Variants in FGD5 observed in about 807,000 individuals in gnomAD.
The protein encoded by FGD5 is FYVE, RhoGEF and PH domain containing 5, also known as FYVE, RhoGEF and PH domain-containing protein 5.
FGD5 carries 28 observed loss-of-function variants against 133.4 expected under a neutral mutation model. The observed-to-expected ratio is 0.21, with a 90% CI of 0.16 to 0.29. FGD5 has a LOEUF of 0.29. Among genes scored for constraint, FGD5 ranks in the 10% least tolerant of loss-of-function variants. FGD5 has a pLI of 1.00. For missense variants in FGD5, 1,858 were observed against 1,895.2 expected (o/e 0.98, Z 0.36); for synonymous variants, 810 against 776.5 (o/e 1.04, Z -0.72).
intron 16 of FGD5, chr3:14,923,434 G>A: frequency 2.0e-6 from 1 of 501,978 alleles, no homozygotes; most frequent in Non-Finnish European, 3.6e-6. Flanking sequence ...GGGGACAGAG[G>A]CAGGGAGCTC....
chr3:14,923,801 CAGCGCCCTGGAAA>C (rs2038733834), intron 16 of FGD5, among the ~76,000 whole-genome samples, 194 bp from the exon 17 acceptor site: 1 of 152,204 alleles, frequency 6.6e-6, no homozygotes, highest in Non-Finnish European at 1.5e-5. Context: ...AAGGGCTGTC[CAGCGCCCTGGAAA>C]AGCGTCCCCT....
At chr3:14,828,591 G>A (rs1021153924) in intron 1 of FGD5, among the ~76,000 whole-genome samples, 4 of 152,132 alleles carry the variant, frequency 2.6e-5, no homozygotes, top group South Asian at 2.1e-4. Flanking sequence ...CACTCAGTCC[G>A]CTAGCGTTCC....
At position 14,934,372 on chromosome 3, in the gene FGD5, A is replaced by G. The variant is rs899185427; in HGVS notation, c.*1205A>G. ...ATTCCTTGTTACTCTTACTGCAATA[A>G]AAATCAATTGTTTGATATCCTGTCC... On this transcript the variant is annotated 3_prime_UTR_variant, in exon 20 of 20. Transcript: ENST00000285046. The G allele has an allele frequency of 1.3e-5, 2 of 152,164 alleles. No individual in the cohort carries two copies. The highest frequency in any genetic ancestry group is 1.5e-5 in the Non-Finnish European group (1 of 68,026). The allele number at this position is 152,164 out of a possible 1,614,324, so 9.4% of individuals were successfully genotyped here. A position where few individuals can be genotyped will look rare whatever the true frequency, so the allele number is the denominator to read the frequency against.
intron 1 of FGD5, among the ~76,000 whole-genome samples, chr3:14,829,214 A>T (rs1054377705): frequency 1.3e-5 from 2 of 152,120 alleles, no homozygotes; most frequent in Non-Finnish European, 2.9e-5. Context: ...GCTTAGGTGC[A>T]TGGAGTTGGG....
At chr3:14,891,949 C>G (rs982930978) in intron 4 of FGD5, among the ~76,000 whole-genome samples, 3 of 151,454 alleles carry the variant, frequency 2.0e-5, no homozygotes, top group African/African-American at 7.3e-5. Context: ...CTCTTTCTCC[C>G]TCTCTCTCAT....
At chr3:14,839,030 T>C (rs1252905722) in intron 1 of FGD5, among the ~76,000 whole-genome samples, 1 of 152,206 alleles carries the variant, frequency 6.6e-6, no homozygotes, top group Non-Finnish European at 1.5e-5. Flanking sequence ...GGAAGTTTAA[T>C]TGAAATGCAG....
chr3:14,827,752 T>C (rs1395508579), intron 1 of FGD5, among the ~76,000 whole-genome samples: 2 of 152,154 alleles, frequency 1.3e-5, no homozygotes, highest in Non-Finnish European at 2.9e-5. Context: ...TGGGTACCCC[T>C]GCCCTTGTGT....
At chr3:14,903,363 A>T (rs555406517) in intron 9 of FGD5, among the ~76,000 whole-genome samples, 1 of 152,072 alleles carries the variant, frequency 6.6e-6, no homozygotes, top group African/African-American at 2.4e-5. Context: ...CTTTATTATT[A>T]TTATTATTAT....
chr3:14,878,901 G>T (rs138426133), intron 2 of FGD5, among the ~76,000 whole-genome samples: 26 of 152,190 alleles, frequency 1.7e-4, no homozygotes, highest in African/African-American at 5.3e-4. Context: ...TAGAGACAGG[G>T]TTTCGCTGTG....
At chr3:14,872,299 A>G (rs780314392) in intron 2 of FGD5, among the ~76,000 whole-genome samples, 3 of 152,210 alleles carry the variant, frequency 2.0e-5, no homozygotes, top group Admixed American at 1.3e-4. Context: ...AAAAAAATAA[A>G]CCAAGGTTTC....
At position 14,917,687 on chromosome 3, in the gene FGD5, T is replaced by C. The variant is rs1212442767; in HGVS notation, c.3489+355T>C. Among the ~76,000 whole-genome samples, 1 of 152,194 alleles carries C rather than the reference T, an allele frequency of 6.6e-6. No homozygotes were observed. The highest frequency in any genetic ancestry group is 2.4e-5 in the African/African-American group (1 of 41,430). Reference sequence around the variant, plus strand: ...TAATTGTGATAAAATACACATATCATTTTAAAAGTAACCATTTTTAAATGT... The same window carrying C: ...TAATTGTGATAAAATACACATATCACTTTAAAAGTAACCATTTTTAAATGT... On this transcript the variant is annotated intron_variant, in intron 12 of 19. Coordinates refer to ENST00000285046, the MANE Select transcript of FGD5 (RefSeq NM_152536.4). The surrounding 1 kb of genome is among the most constrained non-coding windows in gnomAD (Gnocchi z 4.1).
intron 1 of FGD5, among the ~76,000 whole-genome samples, chr3:14,826,170 T>C (rs1009923317): frequency 6.6e-6 from 1 of 152,200 alleles, no homozygotes; most frequent in Non-Finnish European, 1.5e-5. Context: ...GTTAAGAGTT[T>C]TAGTGTGAAC....
Position 14,917,268 on chromosome 3 carries a change from A to G in FGD5, c.3425A>G (p.Tyr1142Cys), listed in dbSNP as rs377365242. 7.4e-5 allele frequency: 120 copies of G among 1,613,702 alleles called. No homozygotes were observed. The highest frequency in any genetic ancestry group is 2.8e-4 in the Admixed American group (17 of 59,994). ...CTCCAGATGAACGATGTGCTCCTGT[A>G]CACCTATCCCCAGAAGGATGGGAAG... The part of the protein sequence containing the change: ...HLFLMNDVLL[Y>C]TYPQKDGKYR... The change falls in exon 12 of 20, where the codon TAC (tyrosine) becomes TGC (cysteine). Residue 1142 changes from tyrosine (Y) to cysteine (C), a missense_variant. Physicochemically the swap from Tyr to Cys is radical, Grantham distance 194 (BLOSUM62 -2). Coordinates refer to ENST00000285046, the MANE Select transcript of FGD5 (RefSeq NM_152536.4). The surrounding 1 kb of genome is among the most constrained non-coding windows in gnomAD (Gnocchi z 4.1).
intron 2 of FGD5, among the ~76,000 whole-genome samples, chr3:14,877,322 G>T (rs886082135): frequency 4.6e-5 from 7 of 152,180 alleles, no homozygotes; most frequent in Admixed American, 3.9e-4. Flanking sequence ...GGACTGCCCC[G>T]TGCGTCCCAC....
At chr3:14,874,714 T>C (rs544453632) in intron 2 of FGD5, among the ~76,000 whole-genome samples, 2 of 152,232 alleles carry the variant, frequency 1.3e-5, no homozygotes, top group Non-Finnish European at 2.9e-5. Flanking sequence ...TGATCCCTCA[T>C]TCAGGGTGTT....
chr3:14,899,375 T>C (rs2038194812), intron 7 of FGD5, among the ~76,000 whole-genome samples: 2 of 152,150 alleles, frequency 1.3e-5, no homozygotes, highest in African/African-American at 2.4e-5. Flanking sequence ...CCCTTCTCTC[T>C]TTATGCCCTT....
Position 14,917,340 on chromosome 3 carries a change from T to A in FGD5, c.3489+8T>A. 6.2e-7 allele frequency: 1 copy of A among 1,611,222 alleles called. No homozygotes were observed. The highest frequency in any genetic ancestry group is 8.5e-7 in the Non-Finnish European group (1 of 1,178,732). On this transcript the variant is annotated splice_region_variant and intron_variant, in intron 12 of 19. Transcript: ENST00000285046. The surrounding 1 kb of genome is among the most constrained non-coding windows in gnomAD (Gnocchi z 4.1). ...GCTGTGGCCAACATGAAGGTAAATA[T>A]CTGGTGCCAGGTACCCCCGGGTTGG...
At chr3:14,892,223 A>G (rs1248186767) in intron 4 of FGD5, among the ~76,000 whole-genome samples, 1 of 151,016 alleles carries the variant, frequency 6.6e-6, no homozygotes, top group African/African-American at 2.4e-5. Flanking sequence ...TTTTTTTGAG[A>G]CAGGGTCTAG....
chr3:14,920,731 G>A (rs2038660823), intron 13 of FGD5, among the ~76,000 whole-genome samples: 2 of 152,220 alleles, frequency 1.3e-5, no homozygotes, highest in African/African-American at 4.8e-5. Context: ...TAGAGCTGGG[G>A]TTTGCGGCTC....
Sources: allele counts gnomAD v4.1 joint callset (sites outside exome capture counted in the v4.1 genomes callset), GRCh38; gene constraint gnomAD v4.1.1; non-coding constraint Gnocchi (gnomAD v3.1); transcripts MANE v1.5; gene names NCBI Gene and HGNC (gene_info 2026-07-23, HGNC 2026-07-21).